CUX2: variants seen among roughly 807,000 people sequenced by gnomAD.
CUX2 encodes the protein homeobox protein cut-like 2.
Under a neutral mutation model 144.8 loss-of-function variants are expected in CUX2, and 40 were observed. That is an observed-to-expected ratio of 0.28 (90% CI 0.21 to 0.36). The LOEUF (loss-of-function observed/expected upper bound fraction) is 0.36. CUX2 is among the 10% of genes least tolerant of loss of function. CUX2 has a pLI of 1.00. For synonymous variants in CUX2, 827 were observed against 875.6 expected (o/e 0.94, Z 0.98); for missense variants, 1,615 against 1,994.0 (o/e 0.81, Z 3.62).
At chr12:111,197,912 C>T (rs1472719414) in intron 1 of CUX2, among the ~76,000 whole-genome samples, 2 of 152,232 alleles carry the variant, frequency 1.3e-5, no homozygotes, top group East Asian at 1.9e-4. Context: ...GCAGTGCCCC[C>T]ACTCAAGCCT....
intron 1 of CUX2, among the ~76,000 whole-genome samples, chr12:111,154,806 T>A (rs1877273425): frequency 6.6e-6 from 1 of 152,104 alleles, no homozygotes; most frequent in Non-Finnish European, 1.5e-5. Context: ...AAAGTCTCCA[T>A]GAAAAAGCAG....
intron 1 of CUX2, among the ~76,000 whole-genome samples, chr12:111,091,689 C>T (rs903144691): frequency 6.6e-6 from 1 of 152,218 alleles, no homozygotes; most frequent in Non-Finnish European, 1.5e-5. Context: ...TCTCGTGGTT[C>T]TGGAGGCCAG....
intron 1 of CUX2, among the ~76,000 whole-genome samples, chr12:111,086,391 T>G (rs916524425): frequency 2.0e-5 from 3 of 152,206 alleles, no homozygotes; most frequent in Non-Finnish European, 4.4e-5. Flanking sequence ...CTGACCTGAT[T>G]ATTTCTTTTT....
intron 1 of CUX2, among the ~76,000 whole-genome samples, chr12:111,187,018 A>G (rs546345344): frequency 1.3e-4 from 20 of 152,190 alleles, no homozygotes; most frequent in African/African-American, 4.8e-4. Context: ...ACCTCAAGTG[A>G]TCCACCCACC....
In CUX2 at chr12:111,039,698, A is replaced by G. The variant is rs990102572; in HGVS notation, c.63+5458A>G. Among the ~76,000 whole-genome samples the G allele has an allele frequency of 4.6e-5, 7 of 152,046 alleles. No homozygotes were observed. The highest frequency in any genetic ancestry group is 1.7e-4 in the African/African-American group (7 of 41,370). On this transcript the variant is annotated intron_variant, in intron 1 of 21. Transcript: ENST00000261726. The surrounding 1 kb of genome is among the most constrained non-coding windows in gnomAD (Gnocchi z 4.2). Reference sequence around the variant, plus strand: ...AGGCGCATGCCACCACGCCTGGCTAATTTTTGTATTTTTAGTAGAGACGGG... The same window carrying G: ...AGGCGCATGCCACCACGCCTGGCTAGTTTTTGTATTTTTAGTAGAGACGGG...
At position 111,171,698 on chromosome 12, in the gene CUX2, C is replaced by T. The variant is rs1878532511; in HGVS notation, c.64-42502C>T. On this transcript the variant is annotated intron_variant, in intron 1 of 21. Coordinates refer to ENST00000261726, the MANE Select transcript of CUX2 (RefSeq NM_015267.4). This position sits in a 1 kb window ranked among gnomAD's most constrained non-coding sequence, Gnocchi z 5.0. ...GGTTTGCAGGCCATAATTAGGGGCTCAGTGTCACCTTTGTCCAGTGCCTGA... is the reference window on the plus strand; with the variant it reads ...GGTTTGCAGGCCATAATTAGGGGCTTAGTGTCACCTTTGTCCAGTGCCTGA... Among the ~76,000 whole-genome samples the T allele has an allele frequency of 6.6e-6, 1 of 152,188 alleles. No homozygotes were observed. Among genetic ancestry groups the T allele is most frequent in the Non-Finnish European group, 1.5e-5 (1 of 68,038 alleles).
At position 111,277,437 on chromosome 12, in the gene CUX2, G is replaced by A. The variant is rs1227882146; in HGVS notation, c.301+13598G>A. 6.6e-6 allele frequency among the ~76,000 whole-genome samples: 1 copy of A among 151,940 alleles called. No individual in the cohort carries two copies. The highest frequency in any genetic ancestry group is 1.5e-5 in the Non-Finnish European group (1 of 67,978). ...TTTCTCCTGGTATTTCCTGTGTCTAGTATACTCCCCCGCGACCCCCCTGCT... is the reference window on the plus strand; with the variant it reads ...TTTCTCCTGGTATTTCCTGTGTCTAATATACTCCCCCGCGACCCCCCTGCT... On this transcript the variant is annotated intron_variant, in intron 4 of 21. Transcript: ENST00000261726. This position sits in a 1 kb window ranked among gnomAD's most constrained non-coding sequence, Gnocchi z 5.0.
In CUX2 at chr12:111,277,444, C is replaced by A. The variant is rs1334009433; in HGVS notation, c.301+13605C>A. 2.0e-5 allele frequency among the ~76,000 whole-genome samples: 3 copies of A among 152,022 alleles called. No individual in the cohort carries two copies. Among genetic ancestry groups the A allele is most frequent in the Admixed American group, 6.6e-5 (1 of 15,258 alleles). ...TGGTATTTCCTGTGTCTAGTATACT[C>A]CCCCGCGACCCCCCTGCTAGCTGCC... On this transcript the variant is annotated intron_variant, in intron 4 of 21. Coordinates refer to ENST00000261726, the MANE Select transcript of CUX2 (RefSeq NM_015267.4). This position sits in a 1 kb window ranked among gnomAD's most constrained non-coding sequence, Gnocchi z 5.0.
Position 111,341,954 on chromosome 12 carries a change from A to G in CUX2, c.3560A>G (p.Tyr1187Cys). 1.2e-6 allele frequency: 2 copies of G among 1,614,092 alleles called. No homozygotes were observed. Among genetic ancestry groups the G allele is most frequent in the Non-Finnish European group, 1.7e-6 (2 of 1,180,018 alleles). ...GAGAAGGAGGCACTGCGGAAGGCCT[A>G]TCAGCTGGAACCCTACCCCTCGCAG... ...PEEKEALRKA[Y>C]QLEPYPSQQT... The change falls in exon 21 of 22, where the codon TAT becomes TGT. Residue 1187 changes from tyrosine to cysteine, a missense_variant. Tyr to Cys is a radical substitution (Grantham distance 194). This residue lies in a region of CUX2 where 131 missense variants were observed against 223.1 expected (regional missense o/e 0.59). Transcript: ENST00000261726.
chr12:111,300,618 A>G (rs1886243886), intron 9 of CUX2, among the ~76,000 whole-genome samples: 1 of 152,178 alleles, frequency 6.6e-6, no homozygotes, highest in Non-Finnish European at 1.5e-5. Context: ...AGAGTCAGAG[A>G]GTAAATATTT....
At chr12:111,315,294 A>G (rs1887134696) in intron 16 of CUX2, among the ~76,000 whole-genome samples, 1 of 152,216 alleles carries the variant, frequency 6.6e-6, no homozygotes, top group South Asian at 2.1e-4. Flanking sequence ...CTGTTCCATC[A>G]TTGTTCATAA....
chr12:111,067,061 G>A (rs1160101341), intron 1 of CUX2, among the ~76,000 whole-genome samples: 1 of 152,214 alleles, frequency 6.6e-6, no homozygotes, highest in African/African-American at 2.4e-5. Flanking sequence ...ACTGGCCCTT[G>A]GGTGCTCCAG....
At chr12:111,187,575 T>G (rs1879624423) in intron 1 of CUX2, among the ~76,000 whole-genome samples, 1 of 152,172 alleles carries the variant, frequency 6.6e-6, no homozygotes, top group Non-Finnish European at 1.5e-5. Context: ...TGGCTGGGGA[T>G]TGGGGTACCC....
chr12:111,034,315 C>T lies in CUX2; in HGVS notation c.63+75C>T. ...GCCCTGGGCGCATTGGGGAGGTCCC[C>T]GGGCGGGCAGGCGGACGCCCTGGGG... On this transcript the variant is annotated intron_variant, in intron 1 of 21. Coordinates refer to ENST00000261726, the MANE Select transcript of CUX2 (RefSeq NM_015267.4). The surrounding 1 kb of genome is among the most constrained non-coding windows in gnomAD (Gnocchi z 4.2). The T allele has an allele frequency of 2.1e-6, 2 of 968,220 alleles. No individual in the cohort carries two copies. Among genetic ancestry groups the T allele is most frequent in the South Asian group, 3.2e-5 (1 of 31,608 alleles). The allele number at this position is 968,220 out of a possible 1,614,324, so 60.0% of individuals were successfully genotyped here. A position where few individuals can be genotyped will look rare whatever the true frequency, so the allele number is the denominator to read the frequency against.
Position 111,320,478 on chromosome 12 carries a change from C to T in CUX2, c.2469C>T (p.Ala823=). 1.3e-6 allele frequency: 2 copies of T among 1,590,660 alleles called. No homozygotes were observed. Among genetic ancestry groups the T allele is most frequent in the Non-Finnish European group, 8.5e-7 (1 of 1,173,712 alleles). The change falls in exon 17 of 22, where the codon GCC becomes GCT. Residue 823 remains alanine, a synonymous_variant. Transcript: ENST00000261726. The surrounding 1 kb of genome is among the most constrained non-coding windows in gnomAD (Gnocchi z 8.1). ...ACTCTGGCCAGCCCAACGGCCGCGCCTGGCCCCGCGGGGACGAGGCCCCTG... is the reference window on the plus strand; with the variant it reads ...ACTCTGGCCAGCCCAACGGCCGCGCTTGGCCCCGCGGGGACGAGGCCCCTG... ...SGYSGQPNGR[A]WPRGDEAPVP...
At chr12:111,309,987 C>G in intron 14 of CUX2, 54 bp from the exon 15 acceptor site, 1 of 1,270,800 alleles carries the variant, frequency 7.9e-7, no homozygotes, top group South Asian at 3.3e-5. Context: ...CTCTCTCTCC[C>G]CTCATCATCG....
chr12:111,257,045 C>T (rs1357573893), intron 3 of CUX2, among the ~76,000 whole-genome samples: 1 of 152,162 alleles, frequency 6.6e-6, no homozygotes, highest in Admixed American at 6.5e-5. Flanking sequence ...AGCAGTTCTA[C>T]ACCTGCTGCG....
intron 3 of CUX2, among the ~76,000 whole-genome samples, chr12:111,223,053 A>C (rs1357908627): frequency 6.6e-6 from 1 of 152,148 alleles, no homozygotes; most frequent in East Asian, 1.9e-4. Context: ...AGTACCCGGA[A>C]GAAGGACTTC....
intron 1 of CUX2, among the ~76,000 whole-genome samples, chr12:111,135,900 G>T (rs1744359905): frequency 6.6e-6 from 1 of 152,186 alleles, no homozygotes; most frequent in South Asian, 2.1e-4. Context: ...AGAGGCAATG[G>T]TTGTACAATA....
Sources: allele counts gnomAD v4.1 joint callset (sites outside exome capture counted in the v4.1 genomes callset), GRCh38; gene constraint gnomAD v4.1.1; regional missense constraint gnomAD v4.1.1; non-coding constraint Gnocchi (gnomAD v3.1); transcripts MANE v1.5; gene names NCBI Gene and HGNC (gene_info 2026-07-23, HGNC 2026-07-21).